Variants in PLCH2 observed in about 807,000 individuals in gnomAD.
PLCH2 encodes the protein 1-phosphatidylinositol 4,5-bisphosphate phosphodiesterase eta-2.
In PLCH2, 98 loss-of-function variants were observed where a neutral mutation model predicts 134.7. That is an observed-to-expected ratio of 0.73 (90% CI 0.62 to 0.86). PLCH2 has a LOEUF of 0.86. PLCH2 is among the 40% of genes least tolerant of loss of function. The pLI is 0.00. For synonymous variants in PLCH2, 974 were observed against 827.5 expected (o/e 1.18, Z -3.04); for missense variants, 1,994 against 1,986.6 (o/e 1.00, Z -0.07).
chr1:2,463,667 G>T (rs1640929295), upstream of PLCH2, among the ~76,000 whole-genome samples: 1 of 152,220 alleles, frequency 6.6e-6, no homozygotes, highest in Non-Finnish European at 1.5e-5. Flanking sequence ...CCGAGAACAG[G>T]GCTCCTAGCC....
rs781737046 is a variant in PLCH2, at chr1:2,499,691, C to G, written c.2632C>G (p.His878Asp). 1 of 1,596,824 alleles carries G rather than the reference C, an allele frequency of 6.3e-7. No homozygotes were observed. Among genetic ancestry groups the G allele is most frequent in the South Asian group, 1.1e-5 (1 of 87,618 alleles). ...GATGGAAGAGGCCTCCATCTTCGTG[C>G]ATGTGGCTGTCAGTGACATCAGCGG... ...EGMEEASIFV[H>D]VAVSDISGKV... is the part of the protein sequence containing the mutation. The change falls in exon 20 of 22, where the codon CAT (histidine) becomes GAT (aspartate). Residue 878 changes from histidine to aspartate, a missense_variant. By Grantham distance (81) the His-to-Asp change is moderately conservative. Around this residue, in one of 2 missense-constraint regions of PLCH2, gnomAD observed 1,094 missense variants for 1,234.3 expected, o/e 0.89. Transcript: ENST00000378486.
rs763232986 is a variant in PLCH2 at position 2,491,235 on chromosome 1, A to G, written c.1559A>G (p.Lys520Arg). The G allele has an allele frequency of 5.0e-6, 8 of 1,613,116 alleles. No homozygotes were observed. Among genetic ancestry groups the G allele is most frequent in the Non-Finnish European group, 6.8e-6 (8 of 1,179,816 alleles). Residue 520 changes from lysine to arginine, a missense_variant, in exon 11 of 22, where the codon AAA becomes AGA. Physicochemically the swap from Lys to Arg is conservative, Grantham distance 26. Around this residue, in one of 2 missense-constraint regions of PLCH2, gnomAD observed 1,094 missense variants for 1,234.3 expected, o/e 0.89. Coordinates refer to ENST00000378486, the MANE Select transcript of PLCH2 (RefSeq NM_014638.4). ...CGTGTAGAAAACACTGCTAAGAGGA[A>G]ACTGGATTCCCTCATCAAAGAGTCG... Reference protein sequence around the residue: ...RKRVENTAKRKLDSLIKESKI... With the variant: ...RKRVENTAKRRLDSLIKESKI...
chr1:2,441,022 A>G (rs1333835936), intron 2 of PLCH2, among the ~76,000 whole-genome samples: 1 of 152,130 alleles, frequency 6.6e-6, no homozygotes, highest in Non-Finnish European at 1.5e-5. Context: ...TGTCCGGGAA[A>G]GGGGGTGCAG....
At chr1:2,451,260 C>G (rs531150669) in intron 2 of PLCH2, among the ~76,000 whole-genome samples, 2 of 152,196 alleles carry the variant, frequency 1.3e-5, no homozygotes, top group Non-Finnish European at 2.9e-5. Context: ...GGTGGGCTTG[C>G]CTCGTGTCCC....
intron 1 of PLCH2, among the ~76,000 whole-genome samples, chr1:2,469,936 C>A (rs966534762): frequency 3.3e-5 from 5 of 152,178 alleles, no homozygotes; most frequent in Non-Finnish European, 4.4e-5. Context: ...GGCTGACGGT[C>A]ACTGGAGACA....
Position 2,498,897 on chromosome 1 carries a change from G to A in PLCH2, c.2434+69G>A. On this transcript the variant is annotated intron_variant, in intron 18 of 21. Coordinates refer to ENST00000378486, the MANE Select transcript of PLCH2 (RefSeq NM_014638.4). The surrounding 1 kb of genome is among the most constrained non-coding windows in gnomAD (Gnocchi z 5.4). Reference sequence around the variant, plus strand: ...GAGGGGGGAGGGTTGGGGCTACCTGGTGTGCCCGGGTGCCCTGCCCAGGCC... The same window carrying A: ...GAGGGGGGAGGGTTGGGGCTACCTGATGTGCCCGGGTGCCCTGCCCAGGCC... 1 of 1,384,200 alleles carries A rather than the reference G, an allele frequency of 7.2e-7. No homozygotes were observed. Among genetic ancestry groups the A allele is most frequent in the Non-Finnish European group, 1.0e-6 (1 of 993,488 alleles). 85.7% of individuals were successfully genotyped at this position (1,384,200 alleles called of 1,614,324 possible). A position where few individuals can be genotyped will look rare whatever the true frequency, so the allele number is the denominator to read the frequency against.
chr1:2,442,472 C>T (rs1259331561), intron 2 of PLCH2, among the ~76,000 whole-genome samples: 1 of 152,244 alleles, frequency 6.6e-6, no homozygotes, highest in African/African-American at 2.4e-5. Context: ...CAGCTTGGTG[C>T]CCATCTCGGG....
rs749223193 is a variant in PLCH2, at chr1:2,498,656, CAGCCCCACACAGGCGG to C, written c.2349+10_2349+25del. 1.7e-5 allele frequency: 27 copies of C among 1,550,386 alleles called. No individual in the cohort carries two copies. The highest frequency in any genetic ancestry group is 2.4e-5 in the South Asian group (2 of 84,824). On this transcript the variant is annotated intron_variant, in intron 17 of 21. Coordinates refer to ENST00000378486, the MANE Select transcript of PLCH2 (RefSeq NM_014638.4). This position sits in a 1 kb window ranked among gnomAD's most constrained non-coding sequence, Gnocchi z 5.4. Reference sequence around the variant, plus strand: ...TGGGGGACCGTGGGGAGGTGGGGGCCAGCCCCACACAGGCGGGAGGGGTGGGAGTTGGGGGCGGGCC... The same window carrying C: ...TGGGGGACCGTGGGGAGGTGGGGGCCGAGGGGTGGGAGTTGGGGGCGGGCC...
intron 2 of PLCH2, among the ~76,000 whole-genome samples, chr1:2,460,152 T>C (rs988276463): frequency 1.3e-5 from 2 of 152,252 alleles, no homozygotes; most frequent in Admixed American, 1.3e-4. Context: ...CGTGCCCCCA[T>C]GGGACTGGCC....
chr1:2,479,996 C>T lies in PLCH2; in HGVS notation c.515+19C>T, dbSNP rs41315666. Reference sequence around the variant, plus strand: ...GGGACCAATATCCTTGGGCACCTATCGGGCAATGCAGACCCAGGGACCGGC... The same window carrying T: ...GGGACCAATATCCTTGGGCACCTATTGGGCAATGCAGACCCAGGGACCGGC... On this transcript the variant is annotated intron_variant, in intron 3 of 21. Transcript: ENST00000378486. The T allele has an allele frequency of 7.9e-3, 12,577 of 1,598,700 alleles. 59 individuals carry two copies. The highest frequency in any genetic ancestry group is 9.8e-3 in the Non-Finnish European group (11,448 of 1,169,184).
At chr1:2,502,015 C>T in intron 20 of PLCH2, 97 bp from the exon 21 acceptor site, 1 of 1,143,690 alleles carries the variant, frequency 8.7e-7, no homozygotes, top group Non-Finnish European at 1.2e-6. Context: ...ACACGCATGG[C>T]ACGTCTGTGG....
chr1:2,457,199 C>T (rs1640538122), intron 2 of PLCH2, among the ~76,000 whole-genome samples: 1 of 152,094 alleles, frequency 6.6e-6, no homozygotes, highest in South Asian at 2.1e-4. Context: ...GTGAACTGAC[C>T]AGCTGGCAGC....
At chr1:2,469,249 C>A (rs1641212551) in intron 1 of PLCH2, among the ~76,000 whole-genome samples, 1 of 152,164 alleles carries the variant, frequency 6.6e-6, no homozygotes, top group African/African-American at 2.4e-5. Context: ...CCGGGTGGCC[C>A]CAAAGCCCCA....
Position 2,487,369 on chromosome 1 carries a change from C to T in PLCH2, c.1107C>T (p.Cys369=), listed in dbSNP as rs576554646. The change falls in exon 7 of 22, where the codon TGC becomes TGT. Residue 369 remains cysteine (C), a synonymous_variant. Coordinates refer to ENST00000378486, the MANE Select transcript of PLCH2 (RefSeq NM_014638.4). ...GGGTCCTGCAGGCTGGCTGCCGCTG[C>T]GTGGAGGGTAAGCCCTGGACCTTGG... is the stretch of plus-strand genomic sequence containing the variant. ...YAWVLQAGCR[C]VEVDCWDGPD... The T allele has an allele frequency of 6.9e-5, 112 of 1,612,406 alleles. 1 individual carries two copies. In the East Asian group the frequency reaches 1.5e-3, roughly 22 times the overall value.
In PLCH2 at chr1:2,485,924, G is replaced by A. The variant is rs931375789; in HGVS notation, c.817-983G>A. On this transcript the variant is annotated intron_variant, in intron 5 of 21. Coordinates refer to ENST00000378486, the MANE Select transcript of PLCH2 (RefSeq NM_014638.4). ...CCCGGGATGCCCCCACCTGGCCGGG[G>A]CAGCTTGCCAGGCTCCATCCCGTGG... 1.1e-4 allele frequency among the ~76,000 whole-genome samples: 17 copies of A among 152,142 alleles called. 1 individual carries two copies. Among genetic ancestry groups the A allele is most frequent in the Admixed American group, 9.8e-4 (15 of 15,286 alleles).
chr1:2,469,650 GGGA>G (rs1412498095), intron 1 of PLCH2, among the ~76,000 whole-genome samples: 3 of 152,200 alleles, frequency 2.0e-5, no homozygotes, highest in African/African-American at 4.8e-5. Context: ...GGTGGGCAGG[GGGA>G]GGGGTTGGGG....
chr1:2,504,043 T>C lies in PLCH2; in HGVS notation c.3081T>C (p.Ser1027=). 6.5e-7 allele frequency: 1 copy of C among 1,544,790 alleles called. No homozygotes were observed. The highest frequency in any genetic ancestry group is 1.4e-5 in the African/African-American group (1 of 72,494). ...CAGCGGCTGTCCCCACCAGCTCTTC[T>C]CAGGGACGGCCCCCATACCCCACAG... is the stretch of plus-strand genomic sequence containing the variant. ...PPPAAVPTSS[S]QGRPPYPTGP... is the part of the protein sequence containing the mutation. The change falls in exon 22 of 22, where the codon TCT becomes TCC. Residue 1027 remains serine, a synonymous_variant. Transcript: ENST00000378486.
At chr1:2,455,172 C>T (rs72644627) in intron 2 of PLCH2, among the ~76,000 whole-genome samples, 3,159 of 152,334 alleles carry the variant, frequency 0.021, 71 homozygotes, top group African/African-American at 0.048. Flanking sequence ...GGAACTCAGC[C>T]GACCCATCTG....
Position 2,489,920 on chromosome 1 carries a change from A to ACAG in PLCH2, c.1515+55_1515+57dup, listed in dbSNP as rs1642478748. The ACAG allele has an allele frequency of 1.4e-5, 18 of 1,279,152 alleles. No homozygotes were observed. In the East Asian group the frequency reaches 4.2e-4, roughly 30 times the overall value. The allele number at this position is 1,279,152 out of a possible 1,614,324, so 79.2% of individuals were successfully genotyped here. A position where few individuals can be genotyped will look rare whatever the true frequency, so the allele number is the denominator to read the frequency against. ...CGCGTGGAGCCTGCAGTTCCCAAGA[A>ACAG]CAGCTGTCCGTCCTTGCTGTTGGGG... On this transcript the variant is annotated intron_variant, in intron 10 of 21. Transcript: ENST00000378486.
Sources: gnomAD v4.1 joint callset for allele counts (sites outside exome capture counted in the v4.1 genomes callset) on GRCh38, gnomAD v4.1.1 for gene constraint, gnomAD v4.1.1 regional missense constraint, Gnocchi (gnomAD v3.1) non-coding constraint, MANE v1.5 for transcripts, NCBI Gene and HGNC (gene_info 2026-07-23, HGNC 2026-07-21) for gene names.